The following NMNAT2 variants were observed in gnomAD, a reference collection of about 807,000 sequenced individuals.
The protein encoded by NMNAT2 is nicotinamide/nicotinic acid mononucleotide adenylyltransferase 2.
A neutral mutation model predicts 41.6 loss-of-function variants in NMNAT2; 11 were observed. The ratio of observed to expected loss-of-function variants is 0.26; its 90% CI spans 0.17 to 0.44. The LOEUF (loss-of-function observed/expected upper bound fraction) is 0.44, where lower values mean the gene tolerates loss of function less well. Among genes scored for constraint, NMNAT2 ranks in the 20% least tolerant of loss-of-function variants. The probability of loss-of-function intolerance (pLI) is 1.00; values close to 1 mark genes in which losing one functional copy is unlikely to be tolerated. For synonymous variants in NMNAT2, 148 were observed against 151.2 expected (o/e 0.98, Z 0.16); for missense variants, 288 against 407.7 (o/e 0.71, Z 2.53).
At chr1:183,412,350 A>T (rs1649141500) in intron 1 of NMNAT2, among the ~76,000 whole-genome samples, 1 of 152,312 alleles carries the variant, frequency 6.6e-6, no homozygotes, top group Non-Finnish European at 1.5e-5. Context: ...CAGCCTCCCA[A>T]GTAGCTGGGA....
At chr1:183,255,508 G>A (rs1038439038) in intron 10 of NMNAT2, among the ~76,000 whole-genome samples, 2 of 151,852 alleles carry the variant, frequency 1.3e-5, no homozygotes, top group African/African-American at 4.8e-5. Context: ...ATTTCTTTAG[G>A]TAGCATGGAC....
intron 8 of NMNAT2, 76 bp downstream of exon 8, chr1:183,278,477 G>A: frequency 1.0e-6 from 1 of 991,146 alleles, no homozygotes; most frequent in South Asian, 1.3e-5. Flanking sequence ...AGTGAAGACA[G>A]GAGGCCAAAA....
At chr1:183,416,750 A>G (rs1404295662) in intron 1 of NMNAT2, among the ~76,000 whole-genome samples, 1 of 152,168 alleles carries the variant, frequency 6.6e-6, no homozygotes, top group Non-Finnish European at 1.5e-5. Context: ...GTTTTTAACA[A>G]GCGAGCCCAG....
intron 1 of NMNAT2, among the ~76,000 whole-genome samples, chr1:183,352,318 CT>C (rs1206067925): frequency 1.3e-5 from 2 of 152,126 alleles, no homozygotes; most frequent in East Asian, 3.9e-4. Context: ...AATCCCAGCA[CT>C]TAGGGAGGCT....
chr1:183,319,455 C>T (rs902284949), intron 1 of NMNAT2, among the ~76,000 whole-genome samples: 22 of 152,206 alleles, frequency 1.4e-4, no homozygotes, highest in African/African-American at 4.3e-4. Context: ...CCAATGTTCT[C>T]GAGGTTGAGC....
intron 8 of NMNAT2, among the ~76,000 whole-genome samples, chr1:183,263,844 G>A (rs1341712400): frequency 6.6e-6 from 1 of 152,112 alleles, no homozygotes; most frequent in Non-Finnish European, 1.5e-5. Flanking sequence ...CCAGAATTTT[G>A]TTTGAGGGGC....
At chr1:183,294,712 C>T (rs1222768253) in intron 1 of NMNAT2, among the ~76,000 whole-genome samples, 1 of 152,166 alleles carries the variant, frequency 6.6e-6, no homozygotes, top group Non-Finnish European at 1.5e-5. Context: ...ATCGCTTGAA[C>T]CCGGGCAGCA....
intron 1 of NMNAT2, among the ~76,000 whole-genome samples, chr1:183,412,018 T>A (rs774455183): frequency 6.6e-6 from 1 of 152,160 alleles, no homozygotes; most frequent in African/African-American, 2.4e-5. Context: ...AGCAAAGATG[T>A]TCCATGGGGT....
At position 183,286,092 on chromosome 1, in the gene NMNAT2, A is replaced by T. The variant is rs191066655; in HGVS notation, c.448+570T>A. On this transcript the variant is annotated intron_variant, in intron 5 of 10. Transcript: ENST00000287713. Reference sequence around the variant, plus strand: ...CTCAAAATTTATGTATTTTTTTGAGACAGGGTCTCACTCTGTCTCCCAGGC... The same window carrying T: ...CTCAAAATTTATGTATTTTTTTGAGTCAGGGTCTCACTCTGTCTCCCAGGC... Among the ~76,000 whole-genome samples, 13 of 152,198 alleles carry T rather than the reference A, an allele frequency of 8.5e-5. No individual in the cohort carries two copies. The East Asian group carries it at 1.7e-3, about 20-fold the overall frequency.
At chr1:183,415,987 C>T (rs1311918442) in intron 1 of NMNAT2, among the ~76,000 whole-genome samples, 1 of 152,180 alleles carries the variant, frequency 6.6e-6, no homozygotes, top group Non-Finnish European at 1.5e-5. Context: ...TGTTCACATT[C>T]TGCCCTGGTC....
intron 1 of NMNAT2, among the ~76,000 whole-genome samples, chr1:183,407,586 A>G (rs1648994068): frequency 6.6e-6 from 1 of 152,306 alleles, no homozygotes; most frequent in East Asian, 1.9e-4. Context: ...TAGGAGATAC[A>G]AAAAACCATA....
At chr1:183,403,338 G>T (rs764146575) in intron 1 of NMNAT2, among the ~76,000 whole-genome samples, 1 of 152,016 alleles carries the variant, frequency 6.6e-6, no homozygotes, top group Non-Finnish European at 1.5e-5. Flanking sequence ...ATGTTTAATC[G>T]CAATAGCCTG....
intron 3 of NMNAT2, among the ~76,000 whole-genome samples, chr1:183,292,316 GC>G (rs1220215378): frequency 2.6e-5 from 4 of 152,234 alleles, no homozygotes; most frequent in Non-Finnish European, 5.9e-5. Flanking sequence ...TGGTGTGGCT[GC>G]CCTTAGGGGC....
At chr1:183,286,925 AC>A in intron 4 of NMNAT2, 137 bp from the exon 5 acceptor site, 1 of 774,382 alleles carries the variant, frequency 1.3e-6, no homozygotes, top group Non-Finnish European at 2.0e-6. Flanking sequence ...TGGGTTCTAG[AC>A]CCAGCTGCAT....
chr1:183,294,503 T>C (rs1452425637), intron 1 of NMNAT2, among the ~76,000 whole-genome samples: 1 of 152,176 alleles, frequency 6.6e-6, no homozygotes, highest in Non-Finnish European at 1.5e-5. Flanking sequence ...TTTAAGAATG[T>C]CAACAGGGGC....
intron 1 of NMNAT2, among the ~76,000 whole-genome samples, chr1:183,342,630 C>T (rs61500455): frequency 0.062 from 9,398 of 152,276 alleles, 793 homozygotes; most frequent in African/African-American, 0.2. Context: ...TCCCAATCTT[C>T]ATCCCCAGAC....
At chr1:183,400,805 A>C (rs1163862553) in intron 1 of NMNAT2, among the ~76,000 whole-genome samples, 5 of 152,192 alleles carry the variant, frequency 3.3e-5, no homozygotes, top group South Asian at 2.1e-4. Context: ...CAAAAACAAG[A>C]AATGGGGAAA....
At chr1:183,254,800 A>AT (rs1660476545) in intron 10 of NMNAT2, among the ~76,000 whole-genome samples, 1 of 152,202 alleles carries the variant, frequency 6.6e-6, no homozygotes, top group African/African-American at 2.4e-5. Context: ...TAAGTTCTTT[A>AT]TAAATCTTGG....
chr1:183,380,355 T>G (rs1345928623), intron 1 of NMNAT2, among the ~76,000 whole-genome samples: 2 of 152,256 alleles, frequency 1.3e-5, no homozygotes, highest in Non-Finnish European at 2.9e-5. Context: ...GCTATGGTTT[T>G]GCTGTAGTTT....
Sources: allele counts gnomAD v4.1 joint callset (sites outside exome capture counted in the v4.1 genomes callset), GRCh38; gene constraint gnomAD v4.1.1; transcripts MANE v1.5; gene names NCBI Gene and HGNC (gene_info 2026-07-23, HGNC 2026-07-21).